The following DAB1 variants were observed in gnomAD, a reference collection of about 807,000 sequenced individuals.
DAB1 encodes the protein disabled homolog 1.
A neutral mutation model predicts 64.6 loss-of-function variants in DAB1; 15 were observed. That is an observed-to-expected ratio of 0.23 (90% CI 0.16 to 0.36). The LOEUF is 0.36. Ranked by LOEUF, DAB1 falls within the 10% of genes least tolerant of loss-of-function variation. The probability of loss-of-function intolerance (pLI) is 1.00; values close to 1 mark genes in which losing one functional copy is unlikely to be tolerated. For missense variants in DAB1, 596 were observed against 706.7 expected, an observed-to-expected ratio of 0.84 and a Z score of 1.78; for synonymous variants, 235 against 251.9, an observed-to-expected ratio of 0.93 and a Z score of 0.64.
At chr1:58,157,560 G>A (rs1655289373) in intron 4 of DAB1, among the ~76,000 whole-genome samples, 1 of 152,130 alleles carries the variant, frequency 6.6e-6, no homozygotes, top group Non-Finnish European at 1.5e-5. Context: ...CAGGCACCAC[G>A]ATGCCTTGTT....
chr1:57,935,290 C>T (rs1407619326), intron 5 of DAB1, among the ~76,000 whole-genome samples: 1 of 152,174 alleles, frequency 6.6e-6, no homozygotes, highest in Non-Finnish European at 1.5e-5. Context: ...CACTAAACCT[C>T]TCTTTCTGCA....
intron 7 of DAB1, among the ~76,000 whole-genome samples, chr1:57,564,337 A>T (rs1176930916): frequency 6.6e-6 from 1 of 152,212 alleles, no homozygotes; most frequent in Non-Finnish European, 1.5e-5. Flanking sequence ...AGATGGGGAA[A>T]AAACAGAGCA....
intron 4 of DAB1, among the ~76,000 whole-genome samples, chr1:57,115,383 A>T (rs911314362): frequency 3.3e-5 from 5 of 152,178 alleles, no homozygotes; most frequent in Non-Finnish European, 5.9e-5. Context: ...GGTCCTCAGT[A>T]AGAAGTGGGC....
At chr1:57,921,439 T>C (rs1644806208) in intron 5 of DAB1, among the ~76,000 whole-genome samples, 1 of 152,152 alleles carries the variant, frequency 6.6e-6, no homozygotes, top group Admixed American at 6.5e-5. Context: ...CATAAAGATG[T>C]TGACTCCCTA....
intron 5 of DAB1, among the ~76,000 whole-genome samples, chr1:58,013,766 C>T (rs572444972): frequency 1.3e-5 from 2 of 152,296 alleles, no homozygotes; most frequent in South Asian, 2.1e-4. Context: ...CACATCATTC[C>T]CAAGTCTTCA....
chr1:57,286,767 A>T (rs547982848), intron 2 of DAB1, among the ~76,000 whole-genome samples: 2 of 152,346 alleles, frequency 1.3e-5, no homozygotes, highest in African/African-American at 4.8e-5. Context: ...GGTTTGTCCC[A>T]GAAAAGAAGT....
In DAB1 at chr1:58,357,941, G is replaced by A. The variant is rs140088395; in HGVS notation, n.258-14538C>T. ...TTATGAGACCAATTAGGTGTCAGCA[G>A]TGGTGTTCAACAGTTTTCTTATGTT... On this transcript the variant is annotated intron_variant and non_coding_transcript_variant, in intron 3 of 20. Transcript: ENST00000485760. 5.9e-5 allele frequency among the ~76,000 whole-genome samples: 9 copies of A among 152,298 alleles called. No individual in the cohort carries two copies. The East Asian group carries it at 1.7e-3, about 29-fold the overall frequency.
intron 3 of DAB1, among the ~76,000 whole-genome samples, chr1:58,419,632 G>C (rs1467176561): frequency 6.6e-6 from 1 of 152,106 alleles, no homozygotes; most frequent in African/African-American, 2.4e-5. Context: ...CTGACCTACT[G>C]GCTCCTTTGC....
At chr1:57,261,989 T>C (rs1670218306) in intron 2 of DAB1, among the ~76,000 whole-genome samples, 1 of 152,150 alleles carries the variant, frequency 6.6e-6, no homozygotes, top group East Asian at 1.9e-4. Flanking sequence ...GCACAGCTAC[T>C]GTCTTTAAGG....
intron 3 of DAB1, among the ~76,000 whole-genome samples, chr1:58,353,552 G>A (rs1296996499): frequency 6.6e-6 from 1 of 152,076 alleles, no homozygotes; most frequent in African/African-American, 2.4e-5. Flanking sequence ...TAAAATTAGT[G>A]GATGGGGAAA....
intron 3 of DAB1, among the ~76,000 whole-genome samples, chr1:58,378,996 C>T (rs1015210537): frequency 2.7e-5 from 4 of 148,340 alleles, no homozygotes; most frequent in African/African-American, 1.0e-4. Context: ...TCCCTGACCC[C>T]TTGCGCTTCC....
At chr1:57,871,803 CTG>C (rs748937408) in intron 1 of DAB1, among the ~76,000 whole-genome samples, 58 of 152,254 alleles carry the variant, frequency 3.8e-4, no homozygotes, top group Non-Finnish European at 2.1e-4. Context: ...AATTACATAA[CTG>C]AGTGTATACA....
intron 5 of DAB1, among the ~76,000 whole-genome samples, chr1:57,991,251 G>A (rs527686393): frequency 3.9e-5 from 6 of 152,088 alleles, no homozygotes; most frequent in Non-Finnish European, 8.8e-5. Context: ...CAATGAGTGT[G>A]GAATAATTCT....
In DAB1 at chr1:57,033,351, A is replaced by T. The variant is rs896084489; in HGVS notation, c.724-7308T>A. ...ATATGGAATGCATGAGTATGAGCAGAACAACCTAATTTAACACAAACCTCA... is the reference window on the plus strand; with the variant it reads ...ATATGGAATGCATGAGTATGAGCAGTACAACCTAATTTAACACAAACCTCA... On this transcript the variant is annotated intron_variant, in intron 9 of 14. Transcript: ENST00000371236. The T allele has an allele frequency of 2.5e-6, 4 of 1,608,374 alleles. No individual in the cohort carries two copies. The Admixed American group carries it at 6.7e-5, about 27-fold the overall frequency.
intron 1 of DAB1, among the ~76,000 whole-genome samples, chr1:57,408,453 T>C (rs1384058032): frequency 5.9e-5 from 9 of 152,174 alleles, no homozygotes; most frequent in African/African-American, 2.2e-4. Context: ...AGTAGCCTCA[T>C]GTCACTTCAA....
At chr1:58,313,477 TCTCC>T (rs1662475182) in intron 4 of DAB1, among the ~76,000 whole-genome samples, 1 of 152,002 alleles carries the variant, frequency 6.6e-6, no homozygotes, top group African/African-American at 2.4e-5. Flanking sequence ...TCCTCAACTC[TCTCC>T]CTCCAGTCTC....
intron 9 of DAB1, among the ~76,000 whole-genome samples, chr1:57,038,224 AT>A (rs1306772756): frequency 2.6e-5 from 4 of 152,132 alleles, no homozygotes; most frequent in Admixed American, 2.0e-4. Context: ...GGGAGAATTG[AT>A]TTTTTTGCTA....
At chr1:57,364,922 C>G (rs1000795055) in intron 1 of DAB1, among the ~76,000 whole-genome samples, 2 of 147,810 alleles carry the variant, frequency 1.4e-5, no homozygotes, top group African/African-American at 5.0e-5. Flanking sequence ...TAGAAGTTAC[C>G]TGGGGAAGGG....
intron 4 of DAB1, among the ~76,000 whole-genome samples, chr1:58,263,918 G>GTGAATTATTA (rs1661104301): frequency 6.6e-6 from 1 of 152,106 alleles, no homozygotes; most frequent in East Asian, 1.9e-4. Context: ...GCCATTCACT[G>GTGAATTATTA]GTCTTCCAAC....
Sources: allele counts gnomAD v4.1 joint callset (sites outside exome capture counted in the v4.1 genomes callset), GRCh38; gene constraint gnomAD v4.1.1; transcripts MANE v1.5; gene names NCBI Gene and HGNC (gene_info 2026-07-23, HGNC 2026-07-21).